ANP32B: variants seen among roughly 807,000 people sequenced by gnomAD.
ANP32B encodes the protein acidic leucine-rich nuclear phosphoprotein 32 family member B.
In ANP32B, 6 loss-of-function variants were observed where a neutral mutation model predicts 32.2. The observed-to-expected ratio is 0.19, with a 90% CI of 0.10 to 0.37. The LOEUF is 0.37. ANP32B is among the 10% of genes least tolerant of loss of function. The pLI, the probability that ANP32B is intolerant of heterozygous loss-of-function variation, is 1.00. For missense variants in ANP32B, 204 were observed against 289.2 expected (o/e 0.71, Z 2.14); for synonymous variants, 98 against 105.8 (o/e 0.93, Z 0.45).
intron 1 of ANP32B, 33 bp from the exon 2 acceptor site, chr9:97,994,598 G>T (rs771679420): frequency 1.3e-6 from 2 of 1,557,152 alleles, no homozygotes; most frequent in Admixed American, 2.1e-5. Context: ...ATGTGTTTTT[G>T]AGAGCTTATC....
intron 3 of ANP32B, among the ~76,000 whole-genome samples, chr9:98,003,768 C>T (rs1368896181): frequency 1.3e-5 from 2 of 152,176 alleles, no homozygotes; most frequent in Non-Finnish European, 2.9e-5. Context: ...TGGAGGTCCT[C>T]TTAAAGTTTG....
chr9:98,006,911 C>T (rs1170114986), intron 4 of ANP32B, among the ~76,000 whole-genome samples: 2 of 152,010 alleles, frequency 1.3e-5, no homozygotes, highest in Non-Finnish European at 2.9e-5. Context: ...TTGCTTGAAC[C>T]TGGGAGGCGG....
intron 3 of ANP32B, among the ~76,000 whole-genome samples, chr9:97,999,661 A>C (rs1196305450): frequency 1.3e-5 from 2 of 152,182 alleles, no homozygotes; most frequent in Admixed American, 6.5e-5. Flanking sequence ...TCCCTGCCTT[A>C]CTTACCTCAC....
intron 2 of ANP32B, among the ~76,000 whole-genome samples, chr9:97,997,190 G>A (rs1827919057): frequency 6.6e-6 from 1 of 152,134 alleles, no homozygotes; most frequent in African/African-American, 2.4e-5. Context: ...CACCAATAAA[G>A]CTAACACTTG....
At chr9:98,015,221 A>G (rs1313628425) in intron 6 of ANP32B, 143 bp from the exon 7 acceptor site, 1 of 1,196,754 alleles carries the variant, frequency 8.4e-7, no homozygotes. Flanking sequence ...TATACTTGCT[A>G]TTAGTCACCT....
At chr9:98,007,589 A>G (rs1445333531) in intron 4 of ANP32B, among the ~76,000 whole-genome samples, 1 of 152,202 alleles carries the variant, frequency 6.6e-6, no homozygotes, top group Non-Finnish European at 1.5e-5. Context: ...GAACGATTAC[A>G]TATCAGGAAA....
At chr9:97,996,451 A>C (rs1827906938) in intron 2 of ANP32B, among the ~76,000 whole-genome samples, 1 of 152,204 alleles carries the variant, frequency 6.6e-6, no homozygotes, top group Non-Finnish European at 1.5e-5. Context: ...TTAAGTACAC[A>C]AATTAAAAAC....
At chr9:97,992,082 G>A (rs749245206) in intron 1 of ANP32B, among the ~76,000 whole-genome samples, 39 of 152,040 alleles carry the variant, frequency 2.6e-4, no homozygotes, top group Non-Finnish European at 3.5e-4. Flanking sequence ...TTAGTCTAGC[G>A]GTGACTTTTT....
At chr9:98,015,248 G>A in intron 6 of ANP32B, 116 bp from the exon 7 acceptor site, 1 of 1,441,428 alleles carries the variant, frequency 6.9e-7, no homozygotes, top group Non-Finnish European at 9.3e-7. Context: ...ATCTGATCAA[G>A]TTTACATTGT....
intron 1 of ANP32B, among the ~76,000 whole-genome samples, chr9:97,992,554 C>T (rs1478149160): frequency 6.6e-6 from 1 of 152,200 alleles, no homozygotes; most frequent in Admixed American, 6.5e-5. Flanking sequence ...TTCTTCACTT[C>T]ACTTTTGGCA....
intron 2 of ANP32B, among the ~76,000 whole-genome samples, chr9:97,998,274 G>A (rs780273723): frequency 1.3e-5 from 2 of 152,210 alleles, no homozygotes; most frequent in Non-Finnish European, 2.9e-5. Context: ...AATTGGTTTT[G>A]ACCCACTTTT....
At chr9:98,004,869 G>C (rs1828051909) in intron 3 of ANP32B, 95 bp from the exon 4 acceptor site, 1 of 975,664 alleles carries the variant, frequency 1.0e-6, no homozygotes, top group African/African-American at 1.7e-5. Context: ...AGTGGAAATT[G>C]AATATAGAGC....
chr9:98,002,311 A>C (rs1828007413), intron 3 of ANP32B: 1 of 152,238 alleles, frequency 6.6e-6, no homozygotes, highest in South Asian at 2.1e-4. Flanking sequence ...GCATCAATTC[A>C]AACTTCCTTG....
chr9:97,984,462 C>G (rs989748623), intron 1 of ANP32B: 6 of 151,728 alleles, frequency 4.0e-5, no homozygotes, highest in Middle Eastern at 3.4e-3. Context: ...GCCCTTCCCC[C>G]TGTGCCGCGG....
intron 1 of ANP32B, among the ~76,000 whole-genome samples, chr9:97,985,069 C>T (rs1256064064): frequency 1.3e-5 from 2 of 150,414 alleles, no homozygotes; most frequent in East Asian, 3.9e-4. Flanking sequence ...GTCGCGAGCC[C>T]CCCCCCCGCC....
chr9:97,991,472 G>A (rs977813170), intron 1 of ANP32B, among the ~76,000 whole-genome samples: 6 of 151,902 alleles, frequency 3.9e-5, no homozygotes, highest in African/African-American at 1.2e-4. Context: ...TCTGTCCTTC[G>A]TTAGTGTTTC....
intron 1 of ANP32B, among the ~76,000 whole-genome samples, chr9:97,988,166 C>A (rs916800550): frequency 6.6e-6 from 1 of 151,692 alleles, no homozygotes; most frequent in Non-Finnish European, 1.5e-5. Context: ...CAGTCAACAT[C>A]TTTGTGTGTG....
chr9:98,001,739 C>T (rs1385434708), intron 3 of ANP32B, among the ~76,000 whole-genome samples: 2 of 152,064 alleles, frequency 1.3e-5, no homozygotes, highest in Non-Finnish European at 2.9e-5. Context: ...AAGTCTCAGT[C>T]CCCCAGGATA....
chr9:98,015,297 T>C, intron 6 of ANP32B, 67 bp from the exon 7 acceptor site: 1 of 1,536,144 alleles, frequency 6.5e-7, no homozygotes, highest in Non-Finnish European at 8.8e-7. Flanking sequence ...TGTTGTTGCC[T>C]CCATTGGCAA....
Sources: gnomAD v4.1 joint callset for allele counts (sites outside exome capture counted in the v4.1 genomes callset) on GRCh38, gnomAD v4.1.1 for gene constraint, MANE v1.5 for transcripts, NCBI Gene and HGNC (gene_info 2026-07-23, HGNC 2026-07-21) for gene names.